Variants in MSR1 observed in about 807,000 individuals in gnomAD.
The protein encoded by MSR1 is macrophage scavenger receptor 1, also known as macrophage scavenger receptor types I and II.
In MSR1, 53 loss-of-function variants were observed where a neutral mutation model predicts 47.2. The observed-to-expected ratio is 1.12, with a 90% CI of 0.90 to 1.41. MSR1 has a LOEUF of 1.41. MSR1 is among the 40% of genes most tolerant of loss of function. The pLI, the probability that MSR1 is intolerant of heterozygous loss-of-function variation, is 0.00. For missense variants in MSR1, 786 were observed against 546.9 expected (o/e 1.44, Z -4.36); for synonymous variants, 239 against 185.6 (o/e 1.29, Z -2.34).
intron 7 of MSR1, among the ~76,000 whole-genome samples, chr8:16,145,813 T>A (rs1800680955): frequency 6.6e-6 from 1 of 152,100 alleles, no homozygotes; most frequent in South Asian, 2.1e-4. Flanking sequence ...ACAGCAAAAA[T>A]ATCCTTTCTA....
intron 1 of MSR1, among the ~76,000 whole-genome samples, chr8:16,181,547 G>A (rs114155961): frequency 0.011 from 1,684 of 152,116 alleles, 33 homozygotes; most frequent in African/African-American, 0.038. Flanking sequence ...ACTAACACAG[G>A]AACGGAAAAC....
intron 7 of MSR1, among the ~76,000 whole-genome samples, chr8:16,145,961 G>A (rs752468171): frequency 6.6e-6 from 1 of 152,028 alleles, no homozygotes; most frequent in East Asian, 1.9e-4. Context: ...ATTTCTAAAA[G>A]CCATTCAAAA....
chr8:16,175,331 T>TA (rs1563166875), intron 2 of MSR1, 31 bp from the exon 3 acceptor site: 2 of 1,527,232 alleles, frequency 1.3e-6, no homozygotes, highest in South Asian at 2.2e-5. Context: ...AGCCTACTGT[T>TA]AGAAAGTGTT....
intron 5 of MSR1, among the ~76,000 whole-genome samples, chr8:16,161,561 T>C (rs368541589): frequency 1.1e-4 from 16 of 152,128 alleles, no homozygotes; most frequent in African/African-American, 3.4e-4. Flanking sequence ...CCTTGCAACA[T>C]CACAATCCAA....
chr8:16,153,017 T>A (rs1468094910), intron 6 of MSR1, among the ~76,000 whole-genome samples: 1 of 152,076 alleles, frequency 6.6e-6, no homozygotes, highest in African/African-American at 2.4e-5. Flanking sequence ...AAACATAATA[T>A]CCACCCTAGT....
At chr8:16,158,239 C>A (rs1801063822) in intron 5 of MSR1, among the ~76,000 whole-genome samples, 1 of 151,874 alleles carries the variant, frequency 6.6e-6, no homozygotes, top group South Asian at 2.1e-4. Context: ...AATACTATCA[C>A]AATAATCTGC....
chr8:16,139,918 C>G, intron 8 of MSR1: 2 of 386,546 alleles, frequency 5.2e-6, no homozygotes, highest in Non-Finnish European at 7.0e-6. Context: ...ATCTCCTCTG[C>G]ATACCTATCC....
At chr8:16,148,939 C>T (rs1800772371) in intron 7 of MSR1, among the ~76,000 whole-genome samples, 1 of 152,124 alleles carries the variant, frequency 6.6e-6, no homozygotes, top group African/African-American at 2.4e-5. Context: ...GACAAGGCCA[C>T]ATACTGTCTG....
chr8:16,137,400 C>G (rs2117097263), intron 8 of MSR1, among the ~76,000 whole-genome samples: 1 of 152,248 alleles, frequency 6.6e-6, no homozygotes, highest in Non-Finnish European at 1.5e-5. Flanking sequence ...GAAAACCAAA[C>G]TGCTCATTAC....
At chr8:16,140,858 A>G in intron 8 of MSR1, 1 of 1,583,838 alleles carries the variant, frequency 6.3e-7, no homozygotes, top group Non-Finnish European at 8.6e-7. Flanking sequence ...GGCCATGTGG[A>G]AGTCAGGTAC....
At chr8:16,150,724 T>C (rs189875789) in intron 6 of MSR1, among the ~76,000 whole-genome samples, 239 of 152,172 alleles carry the variant, frequency 1.6e-3, no homozygotes, top group African/African-American at 4.7e-3. Context: ...ACTCAAGCAA[T>C]GTAAAGTATC....
intron 8 of MSR1, among the ~76,000 whole-genome samples, chr8:16,141,825 A>G (rs1241831213): frequency 6.6e-6 from 1 of 150,686 alleles, no homozygotes; most frequent in Non-Finnish European, 1.5e-5. Context: ...TGTAAAAATA[A>G]AAAAAAAATA....
chr8:16,110,317 A>T (rs1799729271), intron 9 of MSR1, 99 bp from the exon 10 acceptor site: 3 of 1,368,308 alleles, frequency 2.2e-6, no homozygotes, highest in African/African-American at 1.4e-5. Flanking sequence ...TAAACAAAAA[A>T]GTGTTGATTA....
chr8:16,148,683 TC>T (rs1298639531), intron 7 of MSR1, among the ~76,000 whole-genome samples: 1 of 152,010 alleles, frequency 6.6e-6, no homozygotes, highest in East Asian at 1.9e-4. Context: ...CCTCAAGTGA[TC>T]CGCCCACCTC....
chr8:16,129,696 C>G (rs544107369), intron 8 of MSR1, among the ~76,000 whole-genome samples: 4 of 152,122 alleles, frequency 2.6e-5, no homozygotes, highest in African/African-American at 4.8e-5. Context: ...TACAGTGACC[C>G]AAGATCATGC....
At chr8:16,177,767 CA>C in intron 2 of MSR1, 118 bp downstream of exon 2, 1 of 786,696 alleles carries the variant, frequency 1.3e-6, no homozygotes, top group South Asian at 1.5e-5. Context: ...CCCTGTTGGT[CA>C]AATAAGTATT....
In MSR1 at chr8:16,168,710, C is replaced by G. The variant is rs755197609; in HGVS notation, c.378G>C (p.Gln126His). The stretch of plus-strand genomic sequence containing the variant: ...GGTTGGCTTCCATGTCTAAAATATG[C>G]TGGATTCTCTTCTCCATGTTGCTCA... ...EHMSNMEKRI[Q>H]HILDMEANLM... The change falls in exon 4 of 10, where the codon CAG (glutamine) becomes CAC (histidine). Residue 126 changes from glutamine to histidine, a missense_variant. By Grantham distance (24) the Gln-to-His change is conservative (BLOSUM62 0). Transcript: ENST00000262101. The G allele has an allele frequency of 1.2e-6, 2 of 1,614,144 alleles. No homozygotes were observed. Among genetic ancestry groups the G allele is most frequent in the South Asian group, 1.1e-5 (1 of 91,084 alleles).
At chr8:16,144,781 C>T (rs926583548) in intron 7 of MSR1, among the ~76,000 whole-genome samples, 5 of 152,086 alleles carry the variant, frequency 3.3e-5, no homozygotes, top group African/African-American at 1.2e-4. Context: ...TCTTCACCTC[C>T]TAAAGCTTAG....
At chr8:16,142,765 G>C (rs1800595047) in intron 8 of MSR1, among the ~76,000 whole-genome samples, 1 of 152,084 alleles carries the variant, frequency 6.6e-6, no homozygotes, top group South Asian at 2.1e-4. Context: ...TGATCACCCT[G>C]TTTGTGTTAC....
Sources: gnomAD v4.1 joint callset for allele counts (sites outside exome capture counted in the v4.1 genomes callset) on GRCh38, gnomAD v4.1.1 for gene constraint, MANE v1.5 for transcripts, NCBI Gene and HGNC (gene_info 2026-07-23, HGNC 2026-07-21) for gene names.